SCN7A: variants seen among roughly 807,000 people sequenced by gnomAD.
The protein encoded by SCN7A is sodium voltage-gated channel alpha subunit 7.
Under a neutral mutation model 155.2 loss-of-function variants are expected in SCN7A, and 138 were observed. The observed-to-expected ratio is 0.89, with a 90% CI of 0.77 to 1.02. The LOEUF (loss-of-function observed/expected upper bound fraction) is 1.02. SCN7A is among the 50% of genes least tolerant of loss of function. The probability of loss-of-function intolerance (pLI) is 0.00; values close to 1 mark genes in which losing one functional copy is unlikely to be tolerated. For missense variants in SCN7A, 2,058 were observed against 1,986.6 expected, an observed-to-expected ratio of 1.04 and a Z score of -0.68; for synonymous variants, 693 against 649.0, an observed-to-expected ratio of 1.07 and a Z score of -1.03.
rs1553520536 is a variant in SCN7A, at chr2:166,475,100, A to ATACG, written c.235-757_235-756insCGTA. ...TTTGTGTATATATATATACACATAT[A>ATACG]TATGTATATATATATATATACATAT... On this transcript the variant is annotated intron_variant, in intron 3 of 25. Transcript: ENST00000643258. Among the ~76,000 whole-genome samples, 208 of 108,676 alleles carry ATACG rather than the reference A, an allele frequency of 1.9e-3. 4 individuals carry two copies. The highest frequency in any genetic ancestry group is 8.1e-3 in the African/African-American group (195 of 23,984). The allele number at this position is 108,676 out of a possible 152,430, so 71.3% of individuals were successfully genotyped here.
In SCN7A at chr2:166,468,679, ATACT is replaced by A. The variant is rs202139204; in HGVS notation, c.664+1932_664+1935del. The stretch of plus-strand genomic sequence containing the variant: ...TCTCATTGCTAAATATTTCATTTTC[ATACT>A]TACTTTTTCAGCAGATATTCTGAAA... On this transcript the variant is annotated intron_variant, in intron 7 of 25. Transcript: ENST00000643258. Among the ~76,000 whole-genome samples the A allele has an allele frequency of 1.3e-3, 196 of 151,610 alleles. 4 individuals carry two copies. The East Asian group carries it at 0.035, about 27-fold the overall frequency.
rs371300873 is a variant in SCN7A, at chr2:166,441,558, T to C, written c.1995A>G (p.Gln665=). 2.9e-4 allele frequency: 462 copies of C among 1,613,672 alleles called. No individual in the cohort carries two copies. The highest frequency in any genetic ancestry group is 3.6e-4 in the Non-Finnish European group (428 of 1,179,928). ...AGTCATGCATGTGCCAGCGTGGGAG[T>C]TGACAGTCTTTGTCTATGTGGCAGA... ...EFVCHIDKDC[Q]LPRWHMHDFF... The change falls in exon 15 of 26, where the codon CAA becomes CAG. Residue 665 remains glutamine, a synonymous_variant. Transcript: ENST00000643258.
Position 166,412,546 on chromosome 2 carries a change from T to A in SCN7A, c.3590A>T (p.Asn1197Ile). 6.8e-7 allele frequency: 1 copy of A among 1,479,968 alleles called. No homozygotes were observed. The highest frequency in any genetic ancestry group is 8.9e-7 in the Non-Finnish European group (1 of 1,120,730). 91.7% of individuals were successfully genotyped at this position (1,479,968 alleles called of 1,614,324 possible). A position where few individuals can be genotyped will look rare whatever the true frequency, so the allele number is the denominator to read the frequency against. The change falls in exon 23 of 26, where the codon AAC (asparagine) becomes ATC (isoleucine). Residue 1197 changes from asparagine (N) to isoleucine (I), a missense_variant. Asn to Ile is a moderately radical substitution (Grantham distance 149). Transcript: ENST00000643258. The part of the protein sequence containing the change: ...MLITVIIDNF[N>I]KHKIKLGGSN... ...TATACTTATCTTTATTTTATGCTTG[T>A]TGAAATTATCAATAATAACAGTAAT...
At position 166,409,743 on chromosome 2, in the gene SCN7A, G is replaced by A. The variant is rs369508502; in HGVS notation, c.3904C>T (p.Leu1302Phe). The A allele has an allele frequency of 9.7e-6, 15 of 1,553,596 alleles. No homozygotes were observed. In the African/African-American group the frequency reaches 1.6e-4, roughly 17 times the overall value. The change falls in exon 25 of 26, where the codon CTC (leucine) becomes TTC (phenylalanine). Residue 1302 changes from leucine (L) to phenylalanine (F), a missense_variant. Coordinates refer to ENST00000643258, the MANE Select transcript of SCN7A (RefSeq NM_002976.4). Reference sequence around the variant, plus strand: ...AAATAAAAACAACGGAAAGCGATGAGCTTCAGTATACATTCCATAGTATAT... The same window carrying A: ...AAATAAAAACAACGGAAAGCGATGAACTTCAGTATACATTCCATAGTATAT... The part of the protein sequence containing the change: ...MLYTMECILK[L>F]IAFRCFYFTI...
At position 166,439,053 on chromosome 2, in the gene SCN7A, G is replaced by GTATATATATA. The variant is rs1283353813; in HGVS notation, c.2157+2342_2157+2343insTATATATATA. Among the ~76,000 whole-genome samples, 383 of 86,006 alleles carry GTATATATATA rather than the reference G, an allele frequency of 4.5e-3. 1 individual carries two copies. The highest frequency in any genetic ancestry group is 0.018 in the African/African-American group (325 of 18,492). The allele number at this position is 86,006 out of a possible 152,430, so 56.4% of individuals were successfully genotyped here. On this transcript the variant is annotated intron_variant, in intron 15 of 25. Transcript: ENST00000643258. ...CACACATACATATATGTGTGTGTGT[G>GTATATATATA]TGTATATATATATATATATATATAT...
chr2:166,463,760 G>A (rs1276336509), intron 9 of SCN7A, among the ~76,000 whole-genome samples: 3 of 152,116 alleles, frequency 2.0e-5, no homozygotes, highest in Non-Finnish European at 4.4e-5. Context: ...AAAAAAATAT[G>A]TACTGAGGCC....
intron 2 of SCN7A, among the ~76,000 whole-genome samples, chr2:166,478,805 G>C (rs781347975): frequency 2.0e-5 from 3 of 151,872 alleles, no homozygotes; most frequent in Non-Finnish European, 2.9e-5. Flanking sequence ...TTCAACTCTA[G>C]TCTTTACCTA....
chr2:166,491,265 C>A (rs922209602), intron 1 of SCN7A, among the ~76,000 whole-genome samples: 3 of 152,124 alleles, frequency 2.0e-5, no homozygotes, highest in Non-Finnish European at 2.9e-5. Flanking sequence ...CCAGCTTCTG[C>A]ATTTCTATCA....
chr2:166,492,992 G>T (rs1683147479), intron 1 of SCN7A, among the ~76,000 whole-genome samples: 1 of 152,140 alleles, frequency 6.6e-6, no homozygotes, highest in Non-Finnish European at 1.5e-5. Flanking sequence ...TTACTGATTT[G>T]CCAGGTAGCC....
chr2:166,476,787 T>G (rs1212020803), intron 3 of SCN7A, among the ~76,000 whole-genome samples: 1 of 152,032 alleles, frequency 6.6e-6, no homozygotes, highest in Non-Finnish European at 1.5e-5. Context: ...AGAATCATTC[T>G]CTGCTCTTGC....
At chr2:166,422,377 C>T (rs962916842) in intron 19 of SCN7A, among the ~76,000 whole-genome samples, 10 of 151,962 alleles carry the variant, frequency 6.6e-5, no homozygotes, top group African/African-American at 2.2e-4. Context: ...ACAAATGGTA[C>T]AATATTAATA....
chr2:166,448,544 T>C (rs1374489061), intron 11 of SCN7A, among the ~76,000 whole-genome samples: 2 of 152,228 alleles, frequency 1.3e-5, no homozygotes, highest in African/African-American at 4.8e-5. Context: ...GTTTCCATAA[T>C]GGCTGTACTA....
intron 1 of SCN7A, among the ~76,000 whole-genome samples, chr2:166,492,303 A>G (rs1227028816): frequency 1.3e-5 from 2 of 152,168 alleles, no homozygotes; most frequent in East Asian, 3.9e-4. Context: ...CATGGGAAAG[A>G]AGGGACTCAC....
Position 166,414,291 on chromosome 2 carries a change from CACATATATATATATATATATACACAT to C in SCN7A, c.3415-1196_3415-1171del, listed in dbSNP as rs1701305777. Among the ~76,000 whole-genome samples, 10 of 42,746 alleles carry C rather than the reference CACATATATATATATATATATACACAT, an allele frequency of 2.3e-4. 1 individual carries two copies. The highest frequency in any genetic ancestry group is 9.6e-4 in the African/African-American group (10 of 10,452). 28.0% of individuals were successfully genotyped at this position (42,746 alleles called of 152,430 possible). A position where few individuals can be genotyped will look rare whatever the true frequency, so the allele number is the denominator to read the frequency against. On this transcript the variant is annotated intron_variant, in intron 21 of 25. Transcript: ENST00000643258. Reference sequence around the variant, plus strand: ...ACACACATATATATATATATACACACACATATATATATATATATATACACATATATATATATATATGAAGGAAGTAG... The same window carrying C: ...ACACACATATATATATATATACACACATATATATATATATGAAGGAAGTAG...
At chr2:166,436,886 C>T (rs547890219) in intron 15 of SCN7A, among the ~76,000 whole-genome samples, 61 of 152,176 alleles carry the variant, frequency 4.0e-4, no homozygotes, top group African/African-American at 1.3e-3. Context: ...GAGATGATTT[C>T]GGGTATCTGG....
rs75674772 is a variant in SCN7A, at chr2:166,426,009, T to C, written c.2853+1779A>G. Among the ~76,000 whole-genome samples the C allele has an allele frequency of 2.6e-3, 394 of 152,190 alleles. 3 individuals carry two copies. Among genetic ancestry groups the C allele is most frequent in the African/African-American group, 8.4e-3 (348 of 41,548 alleles). On this transcript the variant is annotated intron_variant, in intron 18 of 25. Coordinates refer to ENST00000643258, the MANE Select transcript of SCN7A (RefSeq NM_002976.4). ...GAGTTAACATCATATTGATTCATTA[T>C]ATTGATGATATCATGTTAATCAGAC...
chr2:166,443,549 C>G lies in SCN7A; in HGVS notation c.1754G>C (p.Cys585Ser), dbSNP rs200196705. Residue 585 changes from cysteine to serine, a missense_variant, in exon 14 of 26, where the codon TGT (cysteine) becomes TCT (serine). Physicochemically the swap from Cys to Ser is moderately radical, Grantham distance 112. Coordinates refer to ENST00000643258, the MANE Select transcript of SCN7A (RefSeq NM_002976.4). ...AGCCATTCCTGCAACATTTGCTAGA[C>G]AAAGTTCTATTAAACCATGGAACAC... is the stretch of plus-strand genomic sequence containing the variant. ...MIVFHGLIEL[C>S]LANVAGMALL... is the part of the protein sequence containing the mutation. The G allele has an allele frequency of 6.3e-7, 1 of 1,595,538 alleles. No homozygotes were observed. Among genetic ancestry groups the G allele is most frequent in the Non-Finnish European group, 8.5e-7 (1 of 1,171,014 alleles).
chr2:166,472,115 C>A (rs946841359), intron 6 of SCN7A, among the ~76,000 whole-genome samples: 1 of 151,558 alleles, frequency 6.6e-6, no homozygotes, highest in Non-Finnish European at 1.5e-5. Flanking sequence ...CCTCCCCCTC[C>A]CCCCACTCCT....
intron 1 of SCN7A, among the ~76,000 whole-genome samples, chr2:166,492,077 C>T (rs1683123178): frequency 6.6e-6 from 1 of 151,932 alleles, no homozygotes; most frequent in African/African-American, 2.4e-5. Context: ...TTGGGAAAAT[C>T]AGTGAGAGTG....
Sources: gnomAD v4.1 joint callset for allele counts (sites outside exome capture counted in the v4.1 genomes callset) on GRCh38, gnomAD v4.1.1 for gene constraint, MANE v1.5 for transcripts, NCBI Gene and HGNC (gene_info 2026-07-23, HGNC 2026-07-21) for gene names.